Variants in DCC observed in about 807,000 individuals in gnomAD.
The protein encoded by DCC is DCC netrin 1 receptor.
A neutral mutation model predicts 172.5 loss-of-function variants in DCC; 58 were observed. That is an observed-to-expected ratio of 0.34 (90% CI 0.27 to 0.42). The LOEUF (loss-of-function observed/expected upper bound fraction) is 0.42, where lower values mean the gene tolerates loss of function less well. DCC is among the 10% of genes least tolerant of loss of function. The probability of loss-of-function intolerance (pLI) is 1.00; values close to 1 mark genes in which losing one functional copy is unlikely to be tolerated. For missense variants in DCC, 1,740 were observed against 1,791.0 expected, an observed-to-expected ratio of 0.97 and a Z score of 0.51; for synonymous variants, 709 against 644.5, an observed-to-expected ratio of 1.10 and a Z score of -1.52.
At chr18:52,801,056 G>A (rs1598815918) in intron 2 of DCC, among the ~76,000 whole-genome samples, 1 of 152,156 alleles carries the variant, frequency 6.6e-6, no homozygotes, top group Non-Finnish European at 1.5e-5. Context: ...AGATTGCAGG[G>A]TTCCAAGAGT....
chr18:52,974,930 G>T (rs930574299), intron 5 of DCC, among the ~76,000 whole-genome samples: 8 of 152,158 alleles, frequency 5.3e-5, no homozygotes, highest in African/African-American at 9.7e-5. Context: ...TTACGGATAT[G>T]TTAAAAGTTT....
chr18:52,541,875 G>GTATATATATATATGTATATA (rs1555695195), intron 1 of DCC, among the ~76,000 whole-genome samples: 21 of 115,194 alleles, frequency 1.8e-4, no homozygotes, highest in African/African-American at 6.9e-4. Context: ...GTGTGTGTGT[G>GTATATATATATATGTATATA]TATATATATA....
intron 2 of DCC, among the ~76,000 whole-genome samples, chr18:52,822,348 C>CT (rs1437330672): frequency 6.6e-6 from 1 of 152,212 alleles, no homozygotes; most frequent in Admixed American, 6.5e-5. Context: ...TCTCTACCTA[C>CT]TGCTCATTCC....
intron 1 of DCC, among the ~76,000 whole-genome samples, chr18:52,728,867 C>T (rs751879953): frequency 1.1e-4 from 16 of 152,032 alleles, no homozygotes; most frequent in Non-Finnish European, 2.2e-4. Context: ...CGACAGCTGT[C>T]AAAAGGGCAG....
At chr18:52,566,479 G>A (rs569118784) in intron 1 of DCC, among the ~76,000 whole-genome samples, 4 of 152,126 alleles carry the variant, frequency 2.6e-5, no homozygotes, top group African/African-American at 9.6e-5. Flanking sequence ...TAACAAACCT[G>A]CACGTTCTGC....
intron 5 of DCC, among the ~76,000 whole-genome samples, chr18:52,928,287 G>A (rs2040250444): frequency 6.6e-6 from 1 of 152,190 alleles, no homozygotes; most frequent in East Asian, 1.9e-4. Context: ...GGGGCCTACT[G>A]AGAGTGGAGG....
chr18:52,816,232 G>A (rs1350322360), intron 2 of DCC, among the ~76,000 whole-genome samples: 1 of 152,208 alleles, frequency 6.6e-6, no homozygotes, highest in Non-Finnish European at 1.5e-5. Flanking sequence ...CATAGGTCCA[G>A]CCATTGTCAT....
At chr18:52,610,332 A>T (rs1438886599) in intron 1 of DCC, among the ~76,000 whole-genome samples, 1 of 122,326 alleles carries the variant, frequency 8.2e-6, no homozygotes, top group East Asian at 2.6e-4. Context: ...GTGAGCCGAG[A>T]TGACACCATT....
chr18:53,485,433 C>G (rs1435486623), intron 25 of DCC, among the ~76,000 whole-genome samples: 2 of 152,000 alleles, frequency 1.3e-5, no homozygotes, highest in Non-Finnish European at 2.9e-5. Context: ...TAGATCTTCA[C>G]TAAAGCAATT....
intron 1 of DCC, among the ~76,000 whole-genome samples, chr18:52,434,003 T>A (rs1987709232): frequency 6.6e-6 from 1 of 152,208 alleles, no homozygotes; most frequent in Non-Finnish European, 1.5e-5. Flanking sequence ...ATGTAAGCAG[T>A]AGTTCCTAAT....
At chr18:52,943,978 G>A (rs1338584672) in intron 5 of DCC, among the ~76,000 whole-genome samples, 2 of 152,048 alleles carry the variant, frequency 1.3e-5, no homozygotes, top group Admixed American at 6.6e-5. Context: ...AATTGGTCTC[G>A]AACTCCTAAC....
intron 1 of DCC, among the ~76,000 whole-genome samples, chr18:52,628,997 G>T (rs560555586): frequency 6.6e-6 from 1 of 152,166 alleles, no homozygotes; most frequent in Non-Finnish European, 1.5e-5. Context: ...TTTTCTTAGC[G>T]GTGCATGGCT....
chr18:53,011,475 G>A (rs1192752238), intron 5 of DCC, among the ~76,000 whole-genome samples: 1 of 151,546 alleles, frequency 6.6e-6, no homozygotes, highest in Non-Finnish European at 1.5e-5. Flanking sequence ...TACAACTTCA[G>A]TTCAGAAATA....
intron 5 of DCC, among the ~76,000 whole-genome samples, chr18:52,965,608 C>T (rs996586102): frequency 6.6e-6 from 1 of 151,998 alleles, no homozygotes; most frequent in Non-Finnish European, 1.5e-5. Context: ...ATTGCTTGTT[C>T]TTCAGAAAGG....
intron 1 of DCC, among the ~76,000 whole-genome samples, chr18:52,493,475 ATAT>A (rs2030603412): frequency 6.6e-6 from 1 of 152,108 alleles, no homozygotes; most frequent in African/African-American, 2.4e-5. Context: ...GAAAGTTCTG[ATAT>A]TATTATAATC....
intron 2 of DCC, among the ~76,000 whole-genome samples, chr18:52,842,813 A>G (rs989514273): frequency 6.6e-6 from 1 of 152,204 alleles, no homozygotes; most frequent in Non-Finnish European, 1.5e-5. Context: ...CTTTCCTAAC[A>G]GGGACCTGCA....
At chr18:53,514,506 A>G (rs1393237370) in intron 27 of DCC, among the ~76,000 whole-genome samples, 1 of 152,226 alleles carries the variant, frequency 6.6e-6, no homozygotes, top group Non-Finnish European at 1.5e-5. Context: ...TAATGAATAC[A>G]GGAGCTGGTT....
At chr18:53,310,924 GCTATGAA>G in intron 13 of DCC, among the ~76,000 whole-genome samples, 1 of 150,850 alleles carries the variant, frequency 6.6e-6, no homozygotes, top group Non-Finnish European at 1.5e-5. Context: ...ATTTTTTACA[GCTATGAA>G]AAGCATTGCT....
chr18:52,803,114 A>C (rs961587371), intron 2 of DCC, among the ~76,000 whole-genome samples: 1 of 152,142 alleles, frequency 6.6e-6, no homozygotes, highest in Non-Finnish European at 1.5e-5. Context: ...CTTTTCTTGT[A>C]ATGTCATGAC....
Sources: gnomAD v4.1 joint callset for allele counts (sites outside exome capture counted in the v4.1 genomes callset) on GRCh38, gnomAD v4.1.1 for gene constraint, MANE v1.5 for transcripts, NCBI Gene and HGNC (gene_info 2026-07-23, HGNC 2026-07-21) for gene names.